TASP1: variants seen among roughly 807,000 people sequenced by gnomAD.
The protein encoded by TASP1 is taspase 1, also known as threonine aspartase 1.
In TASP1, 16 loss-of-function variants were observed where a neutral mutation model predicts 56.6. The observed-to-expected ratio is 0.28, with a 90% confidence interval of 0.19 to 0.43. The LOEUF is 0.43. Among genes scored for constraint, TASP1 ranks in the 20% least tolerant of loss-of-function variants. The pLI is 1.00. For missense variants in TASP1, 393 were observed against 511.6 expected (o/e 0.77, Z 2.24); for synonymous variants, 179 against 184.2 (o/e 0.97, Z 0.23).
At chr20:13,607,314 C>T (rs967532945) in intron 4 of TASP1, among the ~76,000 whole-genome samples, 4 of 152,156 alleles carry the variant, frequency 2.6e-5, no homozygotes, top group Admixed American at 2.0e-4. Context: ...AATTTTGGAA[C>T]CCCAAGCCAA....
intron 6 of TASP1, among the ~76,000 whole-genome samples, chr20:13,576,397 GT>G (rs1236397027): frequency 2.0e-5 from 3 of 149,808 alleles, no homozygotes; most frequent in African/African-American, 7.5e-5. Flanking sequence ...AAGAAAGAAA[GT>G]CAGTCTTATG....
At chr20:13,630,728 A>T (rs2049056479) in intron 1 of TASP1, among the ~76,000 whole-genome samples, 1 of 151,328 alleles carries the variant, frequency 6.6e-6, no homozygotes, top group Non-Finnish European at 1.5e-5. Flanking sequence ...CAAAAAGAAA[A>T]AAGAAAAGAA....
chr20:13,565,658 T>TA (rs1489959776), intron 7 of TASP1, among the ~76,000 whole-genome samples: 1 of 152,084 alleles, frequency 6.6e-6, no homozygotes, highest in Non-Finnish European at 1.5e-5. Flanking sequence ...TCACAGCCAT[T>TA]AGGATGCCAA....
chr20:13,587,801 A>C (rs1206305132), intron 4 of TASP1, among the ~76,000 whole-genome samples: 1 of 152,026 alleles, frequency 6.6e-6, no homozygotes, highest in Admixed American at 6.6e-5. Context: ...AAACTAGATA[A>C]GGGAACTTCT....
the TASP1 span, among the ~76,000 whole-genome samples, chr20:13,343,204 G>A: frequency 6.6e-6 from 1 of 152,210 alleles, no homozygotes. Context: ...GCCCACAGAA[G>A]GTATTAAATG....
chr20:13,123,955 C>G, the TASP1 span, among the ~76,000 whole-genome samples: 2 of 152,144 alleles, frequency 1.3e-5, no homozygotes, highest in Admixed American at 6.5e-5. Context: ...ACGGAACATG[C>G]CACTGTGAAG....
intron 11 of TASP1, among the ~76,000 whole-genome samples, chr20:13,438,885 G>A (rs1159635185): frequency 4.6e-5 from 7 of 152,142 alleles, no homozygotes; most frequent in African/African-American, 4.8e-5. Flanking sequence ...CATTTATGCA[G>A]CCAAAAGACA....
intron 11 of TASP1, among the ~76,000 whole-genome samples, chr20:13,481,201 C>T (rs1017286336): frequency 6.6e-6 from 1 of 152,122 alleles, no homozygotes; most frequent in African/African-American, 2.4e-5. Context: ...GCTTATTTCA[C>T]TTAACATAAT....
chr20:13,225,141 C>T, the TASP1 span, among the ~76,000 whole-genome samples: 1 of 152,108 alleles, frequency 6.6e-6, no homozygotes, highest in East Asian at 1.9e-4. Flanking sequence ...GCGTGAGCCA[C>T]CGCGCCCGGC....
chr20:13,302,424 A>G, the TASP1 span, among the ~76,000 whole-genome samples: 1 of 152,194 alleles, frequency 6.6e-6, no homozygotes, highest in Non-Finnish European at 1.5e-5. Flanking sequence ...TAGTGGGCCA[A>G]TGAGTGATCT....
At chr20:13,274,883 G>A in the TASP1 span, among the ~76,000 whole-genome samples, 1 of 152,150 alleles carries the variant, frequency 6.6e-6, no homozygotes, top group African/African-American at 2.4e-5. Context: ...AATGGTCTCA[G>A]ACTACTAAAC....
intron 11 of TASP1, among the ~76,000 whole-genome samples, chr20:13,444,852 G>A (rs2043346331): frequency 2.0e-5 from 3 of 152,082 alleles, no homozygotes; most frequent in African/African-American, 7.2e-5. Flanking sequence ...TTAAACCACT[G>A]GTCCAGGTCT....
the TASP1 span, among the ~76,000 whole-genome samples, chr20:13,130,248 C>G: frequency 3.3e-5 from 5 of 152,200 alleles, no homozygotes; most frequent in Admixed American, 2.0e-4. Context: ...TAGACTCACT[C>G]TCAGGGTAAA....
chr20:13,585,117 C>G (rs1026162619), intron 5 of TASP1, among the ~76,000 whole-genome samples: 4 of 152,116 alleles, frequency 2.6e-5, no homozygotes, highest in African/African-American at 9.7e-5. Context: ...GAAAAGACTT[C>G]CTTTCAATAG....
At chr20:13,273,240 A>ATTTTATTTTATTTTATTTTATTT in the TASP1 span, among the ~76,000 whole-genome samples, 4 of 149,786 alleles carry the variant, frequency 2.7e-5, no homozygotes, top group Non-Finnish European at 4.4e-5. Context: ...ATTTTATTTT[A>ATTTTATTTTATTTTATTTTATTT]TTTTATTTTA....
At chr20:13,563,917 T>C (rs1174901803) in intron 7 of TASP1, among the ~76,000 whole-genome samples, 1 of 152,136 alleles carries the variant, frequency 6.6e-6, no homozygotes, top group African/African-American at 2.4e-5. Flanking sequence ...AGGCAAAATA[T>C]GAAAAGCCCA....
chr20:13,169,826 T>A, the TASP1 span, among the ~76,000 whole-genome samples: 1 of 152,244 alleles, frequency 6.6e-6, no homozygotes, highest in South Asian at 2.1e-4. Context: ...TTTCACTCCC[T>A]CTCTCACCAG....
chr20:13,440,480 T>C (rs78522257), intron 11 of TASP1, among the ~76,000 whole-genome samples: 2,573 of 152,178 alleles, frequency 0.017, 79 homozygotes, highest in African/African-American at 0.057. Flanking sequence ...GAGGGAAAAA[T>C]AAACTGACTG....
At chr20:13,353,090 G>C in the TASP1 span, among the ~76,000 whole-genome samples, 2 of 152,106 alleles carry the variant, frequency 1.3e-5, no homozygotes, top group Non-Finnish European at 2.9e-5. Context: ...AATTAAAATA[G>C]TAGCCAGGCT....
Sources: gnomAD v4.1 joint callset for allele counts (sites outside exome capture counted in the v4.1 genomes callset) on GRCh38, gnomAD v4.1.1 for gene constraint, MANE v1.5 for transcripts, NCBI Gene and HGNC (gene_info 2026-07-23, HGNC 2026-07-21) for gene names.